The following EPHA5 variants were observed in gnomAD, a reference collection of about 807,000 sequenced individuals.
EPHA5 encodes ephrin type-A receptor 5.
In EPHA5, 60 loss-of-function variants were observed where a neutral mutation model predicts 105.0. The ratio of observed to expected loss-of-function variants is 0.57; its 90% CI spans 0.46 to 0.71. The LOEUF (loss-of-function observed/expected upper bound fraction) is 0.71, where lower values mean the gene tolerates loss of function less well. EPHA5 is among the 30% of genes least tolerant of loss of function. The pLI, the probability that EPHA5 is intolerant of heterozygous loss-of-function variation, is 0.00. For missense variants in EPHA5, 1,218 were observed against 1,274.7 expected, an observed-to-expected ratio of 0.96 and a Z score of 0.68; for synonymous variants, 513 against 449.1, an observed-to-expected ratio of 1.14 and a Z score of -1.80.
intron 13 of EPHA5, among the ~76,000 whole-genome samples, chr4:65,348,409 G>A (rs1225883013): frequency 6.6e-6 from 1 of 151,634 alleles, no homozygotes; most frequent in Non-Finnish European, 1.5e-5. Flanking sequence ...TTTAAATTCT[G>A]TGTGACTACT....
rs556236928 is a variant in EPHA5, at chr4:65,477,062, G to T, written c.1402+13315C>A. On this transcript the variant is annotated intron_variant, in intron 5 of 16. Coordinates refer to ENST00000613740, the MANE Select transcript of EPHA5 (RefSeq NM_001281766.3). ...ATTTATGAACTATTTTAACAATCACGAGTGGTAAGAACTGTTGTGCTCCTA... is the reference window on the plus strand; with the variant it reads ...ATTTATGAACTATTTTAACAATCACTAGTGGTAAGAACTGTTGTGCTCCTA... Among the ~76,000 whole-genome samples, 144 of 152,208 alleles carry T rather than the reference G, an allele frequency of 9.5e-4. 1 individual carries two copies. Among genetic ancestry groups the T allele is most frequent in the African/African-American group, 3.3e-3 (135 of 41,526 alleles).
Position 65,365,926 on chromosome 4 carries a change from T to C in EPHA5, c.1987+6A>G. The C allele has an allele frequency of 6.2e-7, 1 of 1,604,600 alleles. No individual in the cohort carries two copies. The stretch of plus-strand genomic sequence containing the variant: ...TTAAAAATGAAAGTCAAACACATTG[T>C]CGTACCTGCTCCAATAACTCTCTCA... On this transcript the variant is annotated splice_donor_region_variant and intron_variant, in intron 10 of 16. Transcript: ENST00000613740.
intron 3 of EPHA5, among the ~76,000 whole-genome samples, chr4:65,552,214 G>A (rs965326923): frequency 3.9e-5 from 6 of 152,172 alleles, no homozygotes; most frequent in South Asian, 4.1e-4. Flanking sequence ...TCCTACTTCA[G>A]CATTGTTCCA....
intron 3 of EPHA5, among the ~76,000 whole-genome samples, chr4:65,509,020 T>C (rs916471622): frequency 1.3e-5 from 2 of 152,162 alleles, no homozygotes; most frequent in African/African-American, 2.4e-5. Context: ...CTATAAAATA[T>C]TCCTCTTTTG....
chr4:65,473,191 A>C (rs1380082792), intron 5 of EPHA5, among the ~76,000 whole-genome samples: 1 of 152,122 alleles, frequency 6.6e-6, no homozygotes, highest in Non-Finnish European at 1.5e-5. Flanking sequence ...TTTGGTCAAA[A>C]AACATTCAAG....
In EPHA5 at chr4:65,495,136, CTA is replaced by C. The variant is rs139240975; in HGVS notation, c.1066+250_1066+251del. Among the ~76,000 whole-genome samples the C allele has an allele frequency of 4.7e-4, 72 of 152,246 alleles. 1 individual carries two copies. The East Asian group carries it at 9.5e-3, about 20-fold the overall frequency. On this transcript the variant is annotated intron_variant, in intron 4 of 16. Coordinates refer to ENST00000613740, the MANE Select transcript of EPHA5 (RefSeq NM_001281766.3). ...AAGCCACAAAATAAAAGAAAATATT[CTA>C]TATCTGTGTCTCAGCTGTTGAATTT...
chr4:65,472,292 G>T (rs1293113635), intron 5 of EPHA5, among the ~76,000 whole-genome samples: 2 of 152,102 alleles, frequency 1.3e-5, no homozygotes, highest in African/African-American at 2.4e-5. Flanking sequence ...CTCCTTCATG[G>T]GTTGGCATTG....
At chr4:65,518,982 T>C (rs940115950) in intron 3 of EPHA5, among the ~76,000 whole-genome samples, 1 of 152,086 alleles carries the variant, frequency 6.6e-6, no homozygotes, top group East Asian at 1.9e-4. Context: ...AGCATCATCC[T>C]GATACCAAAG....
intron 3 of EPHA5, among the ~76,000 whole-genome samples, chr4:65,516,509 T>C (rs1734117745): frequency 6.6e-6 from 1 of 151,964 alleles, no homozygotes; most frequent in Non-Finnish European, 1.5e-5. Context: ...AATTTATCTG[T>C]GCTTTTAAAA....
chr4:65,472,887 A>C (rs534588743), intron 5 of EPHA5, among the ~76,000 whole-genome samples: 1 of 152,334 alleles, frequency 6.6e-6, no homozygotes, highest in Non-Finnish European at 1.5e-5. Flanking sequence ...ATGCAAATTT[A>C]TGCAGCCGGC....
chr4:65,459,537 T>A (rs1405452544), intron 5 of EPHA5, among the ~76,000 whole-genome samples: 2 of 151,838 alleles, frequency 1.3e-5, no homozygotes, highest in African/African-American at 4.8e-5. Context: ...ACTGTGTCAG[T>A]GGTCTGAACT....
At chr4:65,425,495 TG>T (rs1724343658) in intron 5 of EPHA5, among the ~76,000 whole-genome samples, 1 of 152,120 alleles carries the variant, frequency 6.6e-6, no homozygotes, top group African/African-American at 2.4e-5. Flanking sequence ...TAGGTCAAGT[TG>T]GGACCAAGAT....
At chr4:65,538,364 T>C (rs1019462101) in intron 3 of EPHA5, among the ~76,000 whole-genome samples, 1 of 151,762 alleles carries the variant, frequency 6.6e-6, no homozygotes, top group Non-Finnish European at 1.5e-5. Context: ...TTATGTTAAA[T>C]GTTATGGATG....
In EPHA5 at chr4:65,518,997, G is replaced by A. The variant is rs1050156089; in HGVS notation, c.911-23454C>T. On this transcript the variant is annotated intron_variant, in intron 3 of 16. Transcript: ENST00000613740. ...AGCATCATCCTGATACCAAAGCCTG[G>A]CAGAGACACAACCAAAAAAGAGAAT... Among the ~76,000 whole-genome samples, 3 of 152,038 alleles carry A rather than the reference G, an allele frequency of 2.0e-5. No homozygotes were observed. The South Asian group carries it at 6.2e-4, about 32-fold the overall frequency.
chr4:65,603,337 C>T lies in EPHA5; in HGVS notation c.247-1033G>A, dbSNP rs548966644. Among the ~76,000 whole-genome samples, 6 of 27,076 alleles carry T rather than the reference C, an allele frequency of 2.2e-4. No homozygotes were observed. In the Admixed American group the frequency reaches 2.3e-3, roughly 10 times the overall value. The allele number at this position is 27,076 out of a possible 152,430, so 17.8% of individuals were successfully genotyped here. A position where few individuals can be genotyped will look rare whatever the true frequency, so the allele number is the denominator to read the frequency against. ...ATTATAATTTAAGGAATTTCTGAAG[C>T]CTGTAAAAAAATCTGTGTGTACAAA... On this transcript the variant is annotated intron_variant, in intron 2 of 16. Transcript: ENST00000613740.
chr4:65,454,235 G>A (rs1209298710), intron 5 of EPHA5, among the ~76,000 whole-genome samples: 8 of 151,922 alleles, frequency 5.3e-5, no homozygotes, highest in African/African-American at 1.7e-4. Flanking sequence ...AGTCGAGTTC[G>A]TGCCATTGCA....
chr4:65,655,656 G>A (rs191832863), intron 1 of EPHA5, among the ~76,000 whole-genome samples: 63 of 152,210 alleles, frequency 4.1e-4, no homozygotes, highest in African/African-American at 1.5e-3. Context: ...ATAAAGATCA[G>A]AATTATCTAT....
At chr4:65,578,781 G>A (rs1741320853) in intron 3 of EPHA5, among the ~76,000 whole-genome samples, 2 of 152,148 alleles carry the variant, frequency 1.3e-5, no homozygotes, top group East Asian at 3.9e-4. Flanking sequence ...TTGGTAACAA[G>A]CTAAAGAAAA....
chr4:65,595,099 CT>C (rs1743037158), intron 3 of EPHA5, among the ~76,000 whole-genome samples: 1 of 150,770 alleles, frequency 6.6e-6, no homozygotes, highest in African/African-American at 2.4e-5. Context: ...GTTTCCCATA[CT>C]TTTCACAGTT....
Sources: allele counts gnomAD v4.1 joint callset (sites outside exome capture counted in the v4.1 genomes callset), GRCh38; gene constraint gnomAD v4.1.1; transcripts MANE v1.5; gene names NCBI Gene and HGNC (gene_info 2026-07-23, HGNC 2026-07-21).